The following ASTN2 variants were observed in gnomAD, a reference collection of about 807,000 sequenced individuals.
ASTN2 encodes astrotactin 2, also known as astrotactin-2.
A neutral mutation model predicts 139.8 loss-of-function variants in ASTN2; 54 were observed. The observed-to-expected ratio is 0.39, with a 90% CI of 0.31 to 0.48. The LOEUF (loss-of-function observed/expected upper bound fraction) is 0.48. Ranked by LOEUF, ASTN2 falls within the 20% of genes least tolerant of loss-of-function variation. The pLI, the probability that ASTN2 is intolerant of heterozygous loss-of-function variation, is 0.95. For missense variants in ASTN2, 1,565 were observed against 1,725.1 expected, an observed-to-expected ratio of 0.91 and a Z score of 1.64; for synonymous variants, 756 against 719.5, an observed-to-expected ratio of 1.05 and a Z score of -0.81.
intron 10 of ASTN2, among the ~76,000 whole-genome samples, chr9:116,923,517 G>C (rs1834670817): frequency 6.6e-6 from 1 of 151,938 alleles, no homozygotes; most frequent in Non-Finnish European, 1.5e-5. Context: ...ATGAGAAAAG[G>C]TGAGTGAGGA....
chr9:117,167,475 C>T (rs1830695427), intron 3 of ASTN2, among the ~76,000 whole-genome samples: 1 of 152,054 alleles, frequency 6.6e-6, no homozygotes, highest in South Asian at 2.1e-4. Context: ...AAACACAATG[C>T]CACACTAAGG....
At chr9:116,968,819 A>T (rs539664747) in intron 10 of ASTN2, among the ~76,000 whole-genome samples, 4 of 148,232 alleles carry the variant, frequency 2.7e-5, no homozygotes, top group African/African-American at 9.9e-5. Flanking sequence ...GAATAGCTCG[A>T]GCTTGGGAGG....
At chr9:117,060,703 C>A (rs566380204) in intron 5 of ASTN2, among the ~76,000 whole-genome samples, 1 of 151,656 alleles carries the variant, frequency 6.6e-6, no homozygotes, top group Non-Finnish European at 1.5e-5. Flanking sequence ...ATCATCCTGG[C>A]TAACATGGTG....
chr9:117,017,287 T>A (rs1024893163), intron 6 of ASTN2, among the ~76,000 whole-genome samples: 2 of 152,170 alleles, frequency 1.3e-5, no homozygotes, highest in African/African-American at 4.8e-5. Flanking sequence ...ATGACTTCAT[T>A]GGGAATTTAG....
intron 5 of ASTN2, among the ~76,000 whole-genome samples, chr9:117,046,629 C>T (rs2132660833): frequency 6.6e-6 from 1 of 152,260 alleles, no homozygotes; most frequent in African/African-American, 2.4e-5. Flanking sequence ...TGCTGAAATC[C>T]TAACTTTCAC....
At chr9:116,764,927 C>A (rs1310576403) in intron 13 of ASTN2, among the ~76,000 whole-genome samples, 1 of 152,170 alleles carries the variant, frequency 6.6e-6, no homozygotes, top group African/African-American at 2.4e-5. Context: ...GAGATGCCCC[C>A]ACCGTACCTT....
intron 3 of ASTN2, among the ~76,000 whole-genome samples, chr9:117,184,820 T>G (rs1831156203): frequency 6.6e-6 from 1 of 152,184 alleles, no homozygotes; most frequent in African/African-American, 2.4e-5. Context: ...AAGCTGTTCA[T>G]GATACAGATG....
At chr9:116,927,075 G>C (rs1315662799) in intron 10 of ASTN2, among the ~76,000 whole-genome samples, 1 of 152,204 alleles carries the variant, frequency 6.6e-6, no homozygotes, top group Non-Finnish European at 1.5e-5. Flanking sequence ...ATCTATCCTT[G>C]AGAAGGCTAA....
chr9:117,095,026 C>A (rs1364180632), intron 5 of ASTN2, among the ~76,000 whole-genome samples: 1 of 152,216 alleles, frequency 6.6e-6, no homozygotes, highest in Non-Finnish European at 1.5e-5. Context: ...AGTTCCTCCT[C>A]CTCCTTCTCC....
chr9:116,597,308 T>G (rs898538708), intron 19 of ASTN2, among the ~76,000 whole-genome samples: 3 of 140,364 alleles, frequency 2.1e-5, no homozygotes, highest in South Asian at 2.6e-4. Flanking sequence ...TATTTTTTTT[T>G]TTTTTTTTTT....
chr9:117,134,553 T>C (rs950436887), intron 4 of ASTN2, among the ~76,000 whole-genome samples: 1 of 151,924 alleles, frequency 6.6e-6, no homozygotes, highest in Non-Finnish European at 1.5e-5. Context: ...CTGGATCACA[T>C]TTTCCCCCAG....
chr9:116,975,662 C>T lies in ASTN2; in HGVS notation c.1752-317G>A, dbSNP rs569276868. Among the ~76,000 whole-genome samples, 7 of 152,290 alleles carry T rather than the reference C, an allele frequency of 4.6e-5. No individual in the cohort carries two copies. The East Asian group carries it at 1.2e-3, about 25-fold the overall frequency. ...TGACATACAGCAGGAGTTCCATAAGCGACTGCTATGTCAGCAGGGACAGTC... is the reference window on the plus strand; with the variant it reads ...TGACATACAGCAGGAGTTCCATAAGTGACTGCTATGTCAGCAGGGACAGTC... On this transcript the variant is annotated intron_variant, in intron 9 of 22. Coordinates refer to ENST00000313400, the MANE Select transcript of ASTN2 (RefSeq NM_001365068.1).
chr9:116,817,422 C>T (rs1456236348), intron 12 of ASTN2, among the ~76,000 whole-genome samples: 1 of 152,100 alleles, frequency 6.6e-6, no homozygotes, highest in Non-Finnish European at 1.5e-5. Context: ...TGAATTGAAA[C>T]TTGGAGGCGA....
chr9:117,211,385 G>T (rs1832121556), intron 3 of ASTN2, among the ~76,000 whole-genome samples: 1 of 152,134 alleles, frequency 6.6e-6, no homozygotes, highest in Non-Finnish European at 1.5e-5. Flanking sequence ...AGGTGACTGG[G>T]TCATGGGGGT....
intron 1 of ASTN2, among the ~76,000 whole-genome samples, chr9:117,386,931 A>G (rs763693862): frequency 3.0e-4 from 46 of 152,184 alleles, no homozygotes; most frequent in Non-Finnish European, 5.6e-4. Context: ...TACTCTATGC[A>G]AGAATGGGAG....
intron 7 of ASTN2, among the ~76,000 whole-genome samples, chr9:117,001,381 A>G (rs1289189938): frequency 6.6e-6 from 1 of 152,194 alleles, no homozygotes; most frequent in Non-Finnish European, 1.5e-5. Context: ...GGAAGCAAAG[A>G]GTGGAGAAAG....
intron 3 of ASTN2, among the ~76,000 whole-genome samples, chr9:117,155,644 G>T (rs1021019032): frequency 3.3e-5 from 5 of 152,022 alleles, no homozygotes; most frequent in African/African-American, 1.2e-4. Context: ...AGACTATCAA[G>T]TGCTATCTCT....
At chr9:117,187,088 C>T (rs1273848043) in intron 3 of ASTN2, among the ~76,000 whole-genome samples, 1 of 152,124 alleles carries the variant, frequency 6.6e-6, no homozygotes, top group Non-Finnish European at 1.5e-5. Flanking sequence ...GAGATTGTGC[C>T]ACTGCACTCC....
chr9:116,651,819 C>G, intron 16 of ASTN2, 26 bp from the exon 17 acceptor site: 1 of 1,604,816 alleles, frequency 6.2e-7, no homozygotes, highest in South Asian at 1.1e-5. Flanking sequence ...ACAGGAAGAG[C>G]GAAAGGTAAA....
Sources: allele counts gnomAD v4.1 joint callset (sites outside exome capture counted in the v4.1 genomes callset), GRCh38; gene constraint gnomAD v4.1.1; transcripts MANE v1.5; gene names NCBI Gene and HGNC (gene_info 2026-07-23, HGNC 2026-07-21).